The following CEMIP variants were observed in gnomAD, a reference collection of about 807,000 sequenced individuals.
CEMIP encodes cell migration-inducing and hyaluronan-binding protein.
CEMIP carries 105 observed loss-of-function variants against 156.9 expected under a neutral mutation model. The observed-to-expected ratio is 0.67, with a 90% CI of 0.57 to 0.79. The LOEUF (loss-of-function observed/expected upper bound fraction) is 0.79, where lower values mean the gene tolerates loss of function less well. Among genes scored for constraint, CEMIP ranks in the 30% least tolerant of loss-of-function variants. The pLI is 0.00. For synonymous variants in CEMIP, 676 were observed against 668.4 expected (o/e 1.01, Z -0.17); for missense variants, 1,457 against 1,769.4 (o/e 0.82, Z 3.17).
In CEMIP at chr15:80,809,268, G is replaced by A. The variant is rs1896596959; in HGVS notation, c.-176+29654G>A. Among the ~76,000 whole-genome samples the A allele has an allele frequency of 3.9e-5, 6 of 152,114 alleles. No homozygotes were observed. In the South Asian group the frequency reaches 1.2e-3, roughly 32 times the overall value. ...AACCTCCCAAATGCCCAGCTGTAGG[G>A]GAAAGGTTGAGTCAATTATTGTGTC... On this transcript the variant is annotated intron_variant, in intron 1 of 29. Transcript: ENST00000394685.
intron 14 of CEMIP, among the ~76,000 whole-genome samples, chr15:80,914,152 T>A (rs1900174343): frequency 6.6e-6 from 1 of 152,188 alleles, no homozygotes. Flanking sequence ...CCCCACTTCA[T>A]CTTAACATGT....
At chr15:80,892,399 C>T (rs768402614) in intron 10 of CEMIP, among the ~76,000 whole-genome samples, 6 of 152,176 alleles carry the variant, frequency 3.9e-5, no homozygotes, top group Non-Finnish European at 5.9e-5. Flanking sequence ...TCTTGCCCTT[C>T]GTTCAGCTCT....
At position 80,847,827 on chromosome 15, in the gene CEMIP, A is replaced by T. The variant is rs191347242; in HGVS notation, c.-175-25711A>T. 5.9e-5 allele frequency among the ~76,000 whole-genome samples: 9 copies of T among 152,320 alleles called. No homozygotes were observed. The East Asian group carries it at 1.2e-3, about 20-fold the overall frequency. ...AGGATGCTTGCTGGCCAGGTAGCAG[A>T]TGGAAATCAGTGTCCCTGCCCACCC... On this transcript the variant is annotated intron_variant, in intron 1 of 29. Transcript: ENST00000394685.
At chr15:80,862,822 C>T (rs1049126788) in intron 1 of CEMIP, among the ~76,000 whole-genome samples, 2 of 152,122 alleles carry the variant, frequency 1.3e-5, no homozygotes, top group African/African-American at 4.8e-5. Flanking sequence ...GTGGGGAGTC[C>T]CAGAAATACC....
chr15:80,804,492 C>G (rs1032590008), intron 1 of CEMIP, among the ~76,000 whole-genome samples: 2 of 152,176 alleles, frequency 1.3e-5, no homozygotes, highest in Non-Finnish European at 2.9e-5. Context: ...AAGGTTGACT[C>G]TTCTGAACTT....
At position 80,937,916 on chromosome 15, in the gene CEMIP, A is replaced by G. The variant is rs140699177; in HGVS notation, c.3344A>G (p.Gln1115Arg). 13 of 1,614,238 alleles carry G rather than the reference A, an allele frequency of 8.1e-6. No homozygotes were observed. The African/African-American group carries it at 1.7e-4, about 22-fold the overall frequency. ...ACGGGCGTCTTCGTGAGGACCTTGC[A>G]GATGGACAAAGTGGAGCAGAGCTAC... Reference protein sequence around the residue: ...SKTGVFVRTLQMDKVEQSYPG... With the variant: ...SKTGVFVRTLRMDKVEQSYPG... Residue 1115 changes from glutamine to arginine, a missense_variant, in exon 25 of 30, where the codon CAG (glutamine) becomes CGG (arginine). Physicochemically the swap from Gln to Arg is conservative, Grantham distance 43. This residue lies in a region of CEMIP where 798 missense variants were observed against 980.1 expected (regional missense o/e 0.81). Coordinates refer to ENST00000394685, the MANE Select transcript of CEMIP (RefSeq NM_001293298.2).
intron 1 of CEMIP, among the ~76,000 whole-genome samples, chr15:80,812,521 C>T (rs535634537): frequency 1.3e-5 from 2 of 152,256 alleles, no homozygotes; most frequent in South Asian, 4.1e-4. Context: ...CCCAATAGTA[C>T]CTGCTTGTGG....
intron 7 of CEMIP, among the ~76,000 whole-genome samples, chr15:80,886,192 T>C (rs977294378): frequency 6.6e-6 from 1 of 152,152 alleles, no homozygotes; most frequent in African/African-American, 2.4e-5. Context: ...GCCAAGCTGG[T>C]TCCCATAGAG....
intron 1 of CEMIP, among the ~76,000 whole-genome samples, chr15:80,837,410 G>C (rs573252247): frequency 3.3e-5 from 5 of 152,146 alleles, no homozygotes; most frequent in African/African-American, 1.2e-4. Context: ...ATGACAAGAC[G>C]CAAAGAACAC....
At chr15:80,832,256 A>G (rs933179094) in intron 1 of CEMIP, among the ~76,000 whole-genome samples, 5 of 150,712 alleles carry the variant, frequency 3.3e-5, no homozygotes, top group African/African-American at 9.8e-5. Flanking sequence ...TCTTTGATCT[A>G]TGTTGCCTAT....
chr15:80,818,352 G>A (rs1247099641), intron 1 of CEMIP, among the ~76,000 whole-genome samples: 1 of 152,144 alleles, frequency 6.6e-6, no homozygotes, highest in Admixed American at 6.5e-5. Flanking sequence ...TGTATCATCG[G>A]CCAAACCAAG....
intron 1 of CEMIP, among the ~76,000 whole-genome samples, chr15:80,786,122 C>T (rs1290843435): frequency 1.3e-5 from 2 of 152,184 alleles, no homozygotes; most frequent in Non-Finnish European, 2.9e-5. Flanking sequence ...CCACAGAGCT[C>T]TGTGGGTTCC....
intron 1 of CEMIP, among the ~76,000 whole-genome samples, chr15:80,790,474 G>C (rs7181988): frequency 0.045 from 6,815 of 152,198 alleles, 524 homozygotes; most frequent in African/African-American, 0.15. Context: ...AGACAGCATT[G>C]CATGCATCAT....
chr15:80,817,147 G>C (rs1463999161), intron 1 of CEMIP, among the ~76,000 whole-genome samples: 1 of 152,158 alleles, frequency 6.6e-6, no homozygotes, highest in Non-Finnish European at 1.5e-5. Flanking sequence ...TAATTATTAT[G>C]ATTATACACA....
chr15:80,839,876 T>G lies in CEMIP; in HGVS notation c.-175-33662T>G, dbSNP rs935938821. On this transcript the variant is annotated intron_variant, in intron 1 of 29. Coordinates refer to ENST00000394685, the MANE Select transcript of CEMIP (RefSeq NM_001293298.2). ...GCTAGACACGCCACACACATTTTCT[T>G]CCCTTGCCCTCACAACAACCCTAGC... Among the ~76,000 whole-genome samples, 11 of 152,318 alleles carry G rather than the reference T, an allele frequency of 7.2e-5. No individual in the cohort carries two copies. The East Asian group carries it at 1.9e-3, about 27-fold the overall frequency.
intron 1 of CEMIP, among the ~76,000 whole-genome samples, chr15:80,790,412 G>A (rs1298582473): frequency 6.6e-6 from 1 of 152,146 alleles, no homozygotes; most frequent in Admixed American, 6.5e-5. Context: ...ATTTCCATCA[G>A]CATCATTAAT....
At chr15:80,870,906 C>T (rs553762633) in intron 1 of CEMIP, among the ~76,000 whole-genome samples, 5 of 152,290 alleles carry the variant, frequency 3.3e-5, no homozygotes, top group South Asian at 2.1e-4. Flanking sequence ...CCTCATGGCT[C>T]GATCTCTGAG....
intron 1 of CEMIP, among the ~76,000 whole-genome samples, chr15:80,786,556 C>CTGTGTGTGTGTGTGTGTGTG (rs3048927): frequency 7.8e-5 from 11 of 140,720 alleles, no homozygotes; most frequent in South Asian, 2.4e-4. Context: ...GGATGTCTTG[C>CTGTGTGTGTGTGTGTGTGTG]TGTGTGTGTG....
Position 80,906,923 on chromosome 15 carries a change from A to T in CEMIP, c.1587+85A>T. The T allele has an allele frequency of 1.4e-6, 2 of 1,442,254 alleles. No individual in the cohort carries two copies. The highest frequency in any genetic ancestry group is 1.2e-5 in the South Asian group (1 of 81,722). The allele number at this position is 1,442,254 out of a possible 1,614,324, so 89.3% of individuals were successfully genotyped here. On this transcript the variant is annotated intron_variant, in intron 13 of 29. Transcript: ENST00000394685. This position sits in a 1 kb window ranked among gnomAD's most constrained non-coding sequence, Gnocchi z 4.3. ...CTCTAGACGGGCCTTCTTGGTAGGG[A>T]TGAGGGTGGGGGAACAGGAGGTGGG... is the stretch of plus-strand genomic sequence containing the variant.
Sources: allele counts gnomAD v4.1 joint callset (sites outside exome capture counted in the v4.1 genomes callset), GRCh38; gene constraint gnomAD v4.1.1; regional missense constraint gnomAD v4.1.1; non-coding constraint Gnocchi (gnomAD v3.1); transcripts MANE v1.5; gene names NCBI Gene and HGNC (gene_info 2026-07-23, HGNC 2026-07-21).